MYO3A: variants seen among roughly 807,000 people sequenced by gnomAD.
The protein encoded by MYO3A is myosin-IIIa.
In MYO3A, 180 loss-of-function variants were observed where a neutral mutation model predicts 192.7. That is an observed-to-expected ratio of 0.93 (90% CI 0.83 to 1.06). The LOEUF is 1.06. MYO3A is among the 50% of genes least tolerant of loss of function. The pLI is 0.00. For synonymous variants in MYO3A, 628 were observed against 645.3 expected, an observed-to-expected ratio of 0.97 and a Z score of 0.41; for missense variants, 1,896 against 1,905.0, an observed-to-expected ratio of 1.00 and a Z score of 0.09.
intron 7 of MYO3A, among the ~76,000 whole-genome samples, chr10:26,017,418 T>G (rs190536653): frequency 1.0e-3 from 157 of 152,196 alleles, no homozygotes; most frequent in Non-Finnish European, 3.7e-4. Flanking sequence ...TTTTCAAGAG[T>G]CATCTTCTCC....
chr10:25,975,996 A>C (rs1304969439), intron 4 of MYO3A, among the ~76,000 whole-genome samples: 3 of 152,244 alleles, frequency 2.0e-5, no homozygotes, highest in Non-Finnish European at 4.4e-5. Context: ...TAAATGAAAT[A>C]TGTTCAAAAT....
chr10:26,074,737 G>A (rs1835425499), intron 14 of MYO3A, among the ~76,000 whole-genome samples: 1 of 151,396 alleles, frequency 6.6e-6, no homozygotes, highest in Non-Finnish European at 1.5e-5. Context: ...AGGAGCTTTT[G>A]ACTCTGACAT....
chr10:26,113,824 G>A (rs1390706510), intron 17 of MYO3A, among the ~76,000 whole-genome samples: 1 of 152,166 alleles, frequency 6.6e-6, no homozygotes, highest in Non-Finnish European at 1.5e-5. Context: ...GGAGGGGAAA[G>A]GGATAATTAA....
At chr10:26,097,357 A>AT (rs201562460) in intron 17 of MYO3A, among the ~76,000 whole-genome samples, 3 of 149,606 alleles carry the variant, frequency 2.0e-5, no homozygotes, top group African/African-American at 4.9e-5. Flanking sequence ...TCAGTACTTC[A>AT]TTTTTTTTTA....
intron 27 of MYO3A, among the ~76,000 whole-genome samples, chr10:26,167,968 C>T (rs1841844286): frequency 6.6e-6 from 1 of 152,268 alleles, no homozygotes; most frequent in East Asian, 1.9e-4. Flanking sequence ...AAACAAAAAA[C>T]AAGCTTTTCA....
intron 14 of MYO3A, among the ~76,000 whole-genome samples, chr10:26,083,422 G>GT (rs1329292828): frequency 6.6e-6 from 1 of 152,134 alleles, no homozygotes; most frequent in African/African-American, 2.4e-5. Context: ...TTGACTGTAG[G>GT]TAACTGGCTC....
At chr10:26,166,879 G>T (rs139167863) in intron 27 of MYO3A, among the ~76,000 whole-genome samples, 1 of 152,288 alleles carries the variant, frequency 6.6e-6, no homozygotes, top group African/African-American at 2.4e-5. Context: ...GAACCTGTGA[G>T]ATCTTAGCTT....
At position 26,203,038 on chromosome 10, in the gene MYO3A, A is replaced by G. The variant is rs553269254; in HGVS notation, c.4661A>G (p.His1554Arg). The change falls in exon 34 of 35, where the codon CAT (histidine) becomes CGT (arginine). Residue 1554 changes from histidine to arginine, a missense_variant. Physicochemically the swap from His to Arg is conservative, Grantham distance 29. Transcript: ENST00000642920. Reference sequence around the variant, plus strand: ...CCCAGTCGTTCTGGACCAAAGGAACATAGCCCTAGTTTAAGAGAACGAAGA... The same window carrying G: ...CCCAGTCGTTCTGGACCAAAGGAACGTAGCCCTAGTTTAAGAGAACGAAGA... ...FLPSRSGPKE[H>R]SPSLRERRPQ... The G allele has an allele frequency of 2.5e-6, 4 of 1,613,820 alleles. No individual in the cohort carries two copies. The highest frequency in any genetic ancestry group is 2.2e-5 in the East Asian group (1 of 44,820).
intron 27 of MYO3A, 110 bp from the exon 28 acceptor site, chr10:26,168,602 A>C (rs1433745891): frequency 1.7e-6 from 2 of 1,152,936 alleles, no homozygotes; most frequent in South Asian, 2.6e-5. Context: ...AAAGACAGTG[A>C]TTTCCAAAAT....
chr10:26,145,159 A>T (rs542506250), intron 21 of MYO3A, among the ~76,000 whole-genome samples: 1 of 149,912 alleles, frequency 6.7e-6, no homozygotes, highest in East Asian at 2.0e-4. Context: ...AGCCTGGGCA[A>T]CAAGAACGAA....
At chr10:25,968,502 A>G (rs1838402139) in intron 4 of MYO3A, among the ~76,000 whole-genome samples, 1 of 152,244 alleles carries the variant, frequency 6.6e-6, no homozygotes, top group Non-Finnish European at 1.5e-5. Flanking sequence ...TAGGGCAGAT[A>G]TGAAACATTT....
chr10:25,994,575 T>G (rs1218314409), intron 4 of MYO3A, among the ~76,000 whole-genome samples: 2 of 152,320 alleles, frequency 1.3e-5, no homozygotes, highest in African/African-American at 2.4e-5. Context: ...GGTTGTTTGC[T>G]CATTAGTTGA....
At chr10:26,048,651 A>G (rs1376153595) in intron 10 of MYO3A, among the ~76,000 whole-genome samples, 1 of 152,122 alleles carries the variant, frequency 6.6e-6, no homozygotes, top group South Asian at 2.1e-4. Flanking sequence ...CATGAATGAT[A>G]GTGTAATTCT....
At chr10:26,079,032 T>C (rs1018503595) in intron 14 of MYO3A, among the ~76,000 whole-genome samples, 6 of 152,192 alleles carry the variant, frequency 3.9e-5, no homozygotes, top group African/African-American at 1.2e-4. Flanking sequence ...AGTCCATTTG[T>C]TCCAAGGTAT....
At chr10:26,113,716 G>A (rs1448433500) in intron 17 of MYO3A, among the ~76,000 whole-genome samples, 2 of 152,044 alleles carry the variant, frequency 1.3e-5, no homozygotes, top group Admixed American at 6.6e-5. Flanking sequence ...TCTGTGCTAG[G>A]GAGTCAAGAT....
chr10:26,107,710 C>T (rs1837908446), intron 17 of MYO3A, among the ~76,000 whole-genome samples: 1 of 151,978 alleles, frequency 6.6e-6, no homozygotes, highest in East Asian at 1.9e-4. Context: ...AATCCCATAT[C>T]TCTGGCTTTG....
intron 4 of MYO3A, among the ~76,000 whole-genome samples, chr10:25,977,222 A>C (rs1405407873): frequency 6.6e-6 from 1 of 152,190 alleles, no homozygotes; most frequent in Non-Finnish European, 1.5e-5. Context: ...TCTGCTTAAT[A>C]ATTTCCATGT....
At chr10:26,165,225 A>C (rs1841680947) in intron 26 of MYO3A, among the ~76,000 whole-genome samples, 1 of 152,194 alleles carries the variant, frequency 6.6e-6, no homozygotes, top group Non-Finnish European at 1.5e-5. Flanking sequence ...TCTGCTCTGC[A>C]TGTCACCGTG....
intron 10 of MYO3A, among the ~76,000 whole-genome samples, chr10:26,048,555 A>ATGTG (rs71508762): frequency 0.31 from 46,584 of 150,662 alleles, 7,346 homozygotes; most frequent in Middle Eastern, 0.44. Flanking sequence ...ATATATACAT[A>ATGTG]TGTGTGTGTG....
Sources: gnomAD v4.1 joint callset for allele counts (sites outside exome capture counted in the v4.1 genomes callset) on GRCh38, gnomAD v4.1.1 for gene constraint, MANE v1.5 for transcripts, NCBI Gene and HGNC (gene_info 2026-07-23, HGNC 2026-07-21) for gene names.